Variants in RNLS observed in about 807,000 individuals in gnomAD.
RNLS encodes renalase, FAD dependent amine oxidase, also known as renalase.
A neutral mutation model predicts 39.8 loss-of-function variants in RNLS; 39 were observed. The observed-to-expected ratio is 0.98, with a 90% CI of 0.76 to 1.28. RNLS has a LOEUF of 1.28. RNLS is among the 50% of genes most tolerant of loss of function. The pLI is 0.00. For synonymous variants in RNLS, 147 were observed against 150.7 expected, an observed-to-expected ratio of 0.98 and a Z score of 0.18; for missense variants, 410 against 413.3, an observed-to-expected ratio of 0.99 and a Z score of 0.07.
At chr10:88,549,003 C>A (rs1409196890) in intron 4 of RNLS, among the ~76,000 whole-genome samples, 1 of 151,886 alleles carries the variant, frequency 6.6e-6, no homozygotes, top group Non-Finnish European at 1.5e-5. Context: ...GTGATACTGG[C>A]AGGACTGAAT....
intron 4 of RNLS, among the ~76,000 whole-genome samples, chr10:88,462,094 G>A (rs1842957234): frequency 6.6e-6 from 1 of 151,942 alleles, no homozygotes; most frequent in Non-Finnish European, 1.5e-5. Context: ...GAGAATACAT[G>A]CTTCGTGAAT....
chr10:88,317,822 G>GAA (rs377463308), intron 5 of RNLS, among the ~76,000 whole-genome samples: 18 of 151,038 alleles, frequency 1.2e-4, no homozygotes, highest in Admixed American at 9.9e-4. Flanking sequence ...CTGAGATGCA[G>GAA]AAAAAAAAAG....
At chr10:88,352,539 A>C (rs1564720954) in intron 5 of RNLS, among the ~76,000 whole-genome samples, 2 of 152,230 alleles carry the variant, frequency 1.3e-5, no homozygotes, top group Non-Finnish European at 2.9e-5. Context: ...CTTGCATCCC[A>C]GTGATGAAGC....
the RNLS span, among the ~76,000 whole-genome samples, chr10:88,216,783 A>G: frequency 2.6e-5 from 4 of 152,020 alleles, no homozygotes; most frequent in African/African-American, 9.7e-5. Flanking sequence ...AACAACAACA[A>G]CAACAAAAAA....
the RNLS span, among the ~76,000 whole-genome samples, chr10:88,231,942 C>CTGTGTGTGTGTGTGTGTG: frequency 0.035 from 5,210 of 149,656 alleles, 108 homozygotes; most frequent in Non-Finnish European, 0.046. Flanking sequence ...CACAGGATTT[C>CTGTGTGTGTGTGTGTGTG]TGTGTGTGTG....
intron 6 of RNLS, among the ~76,000 whole-genome samples, chr10:88,310,527 A>C (rs1408658929): frequency 6.6e-6 from 1 of 152,118 alleles, no homozygotes; most frequent in East Asian, 1.9e-4. Context: ...AAAGAGGCTT[A>C]TGACTGTAAT....
the RNLS span, among the ~76,000 whole-genome samples, chr10:88,265,323 C>CTT: frequency 0.019 from 1,119 of 58,914 alleles, 22 homozygotes; most frequent in African/African-American, 0.028. Flanking sequence ...CAGGGTTTTT[C>CTT]TTTTTTTTTT....
the RNLS span, among the ~76,000 whole-genome samples, chr10:88,188,492 A>T: frequency 1.2e-4 from 18 of 152,218 alleles, no homozygotes; most frequent in Non-Finnish European, 2.9e-5. Flanking sequence ...AGACTATTAT[A>T]CTACAGGTGA....
chr10:88,352,853 T>A (rs1848833274), intron 5 of RNLS, among the ~76,000 whole-genome samples: 1 of 152,234 alleles, frequency 6.6e-6, no homozygotes, highest in Non-Finnish European at 1.5e-5. Context: ...GTTGGTAAGC[T>A]ATTAATTATT....
At position 88,435,111 on chromosome 10, in the gene RNLS, C is replaced by T. The variant is rs191733160; in HGVS notation, c.527-72386G>A. Reference sequence around the variant, plus strand: ...ACCAATATAAGTAGCAGAAGCATCTCTGTGTGACTAGTCAGTGAACTAAAT... The same window carrying T: ...ACCAATATAAGTAGCAGAAGCATCTTTGTGTGACTAGTCAGTGAACTAAAT... On this transcript the variant is annotated intron_variant, in intron 4 of 6. Coordinates refer to ENST00000331772, the MANE Select transcript of RNLS (RefSeq NM_001031709.3). Among the ~76,000 whole-genome samples the T allele has an allele frequency of 2.8e-4, 42 of 152,036 alleles. No individual in the cohort carries two copies. In the East Asian group the frequency reaches 7.8e-3, roughly 28 times the overall value.
At chr10:88,431,393 C>G (rs898082249) in intron 4 of RNLS, among the ~76,000 whole-genome samples, 1 of 151,656 alleles carries the variant, frequency 6.6e-6, no homozygotes, top group Non-Finnish European at 1.5e-5. Flanking sequence ...TAGAGAATTA[C>G]TAATTTTACT....
At chr10:88,338,758 CTTTTTTTT>C (rs36061512) in intron 5 of RNLS, among the ~76,000 whole-genome samples, 14 of 112,496 alleles carry the variant, frequency 1.2e-4, no homozygotes, top group Non-Finnish European at 2.4e-4. Flanking sequence ...GCTAGATTTC[CTTTTTTTT>C]TTTTTTTTTT....
At chr10:88,566,564 G>A (rs770154057) in intron 4 of RNLS, among the ~76,000 whole-genome samples, 3 of 151,990 alleles carry the variant, frequency 2.0e-5, no homozygotes, top group Admixed American at 6.6e-5. Flanking sequence ...CAAACACTCG[G>A]GCATTAGTTC....
intron 4 of RNLS, among the ~76,000 whole-genome samples, chr10:88,506,873 G>T (rs1356998863): frequency 6.6e-6 from 1 of 152,152 alleles, no homozygotes; most frequent in African/African-American, 2.4e-5. Context: ...CTCCACCACT[G>T]AAGTGGCAGA....
chr10:88,378,141 T>A (rs1288638827), intron 4 of RNLS, among the ~76,000 whole-genome samples: 2 of 152,102 alleles, frequency 1.3e-5, no homozygotes, highest in Non-Finnish European at 2.9e-5. Context: ...GCTGTTTATC[T>A]CCTATAACAA....
intron 5 of RNLS, among the ~76,000 whole-genome samples, chr10:88,352,318 A>C (rs1256236391): frequency 6.6e-6 from 1 of 152,184 alleles, no homozygotes. Flanking sequence ...CCCATTCAGG[A>C]TGATATTGGT....
intron 5 of RNLS, among the ~76,000 whole-genome samples, chr10:88,352,444 T>C (rs1391140852): frequency 1.3e-5 from 2 of 152,242 alleles, no homozygotes; most frequent in Admixed American, 6.5e-5. Context: ...CTTTTCTGCA[T>C]CTATTGAGAT....
chr10:88,466,075 A>T (rs1843188049), intron 4 of RNLS, among the ~76,000 whole-genome samples: 1 of 152,060 alleles, frequency 6.6e-6, no homozygotes, highest in Non-Finnish European at 1.5e-5. Context: ...TAGAAGGAGA[A>T]GACAAAGAGG....
At chr10:88,564,899 AC>A (rs1849408706) in intron 4 of RNLS, among the ~76,000 whole-genome samples, 1 of 152,188 alleles carries the variant, frequency 6.6e-6, no homozygotes, top group Non-Finnish European at 1.5e-5. Context: ...GAGTTGGATG[AC>A]AGAAAATCCA....
Sources: gnomAD v4.1 joint callset for allele counts (sites outside exome capture counted in the v4.1 genomes callset) on GRCh38, gnomAD v4.1.1 for gene constraint, MANE v1.5 for transcripts, NCBI Gene and HGNC (gene_info 2026-07-23, HGNC 2026-07-21) for gene names.